LAMC1: variants seen among roughly 807,000 people sequenced by gnomAD.
The protein encoded by LAMC1 is laminin subunit gamma 1.
Under a neutral mutation model 173.6 loss-of-function variants are expected in LAMC1, and 38 were observed. The ratio of observed to expected loss-of-function variants is 0.22; its 90% CI spans 0.17 to 0.29. The LOEUF (loss-of-function observed/expected upper bound fraction) is 0.29. LAMC1 is among the 10% of genes least tolerant of loss of function. The probability of loss-of-function intolerance (pLI) is 1.00; values close to 1 mark genes in which losing one functional copy is unlikely to be tolerated. For synonymous variants in LAMC1, 746 were observed against 749.1 expected, an observed-to-expected ratio of 1.00 and a Z score of 0.07; for missense variants, 1,824 against 2,051.8, an observed-to-expected ratio of 0.89 and a Z score of 2.14.
At chr1:183,069,091 A>C (rs769257189) in intron 1 of LAMC1, among the ~76,000 whole-genome samples, 1 of 152,210 alleles carries the variant, frequency 6.6e-6, no homozygotes, top group Non-Finnish European at 1.5e-5. Flanking sequence ...ATGTAACTTC[A>C]TATTACAGAC....
chr1:183,049,489 A>G, intron 1 of LAMC1, among the ~76,000 whole-genome samples: 1 of 147,622 alleles, frequency 6.8e-6, no homozygotes. Context: ...TTTGAGACGG[A>G]GTTTAGCTCT....
At position 183,117,734 on chromosome 1, in the gene LAMC1, C is replaced by G; in HGVS notation, c.1877+11C>G. Reference sequence around the variant, plus strand: ...GAAGTATGTCTTCAGGTAAGATAGCCTTCTTTGTAAAGTGAGACTTGACGA... The same window carrying G: ...GAAGTATGTCTTCAGGTAAGATAGCGTTCTTTGTAAAGTGAGACTTGACGA... On this transcript the variant is annotated intron_variant, in intron 10 of 27. Transcript: ENST00000258341. The G allele has an allele frequency of 1.9e-6, 3 of 1,605,380 alleles. No individual in the cohort carries two copies. The highest frequency in any genetic ancestry group is 1.7e-6 in the Non-Finnish European group (2 of 1,173,520).
At chr1:183,126,306 C>G (rs539760697) in intron 16 of LAMC1, 44 bp downstream of exon 16, 2 of 1,595,928 alleles carry the variant, frequency 1.3e-6, no homozygotes, top group African/African-American at 2.7e-5. Flanking sequence ...TCCACTAATT[C>G]CAGTTAGTGT....
At chr1:183,108,628 T>C (rs1023099943) in intron 3 of LAMC1, among the ~76,000 whole-genome samples, 8 of 152,230 alleles carry the variant, frequency 5.3e-5, no homozygotes, top group Non-Finnish European at 7.3e-5. Flanking sequence ...AAACTAAGCA[T>C]GTAGGTTTTC....
chr1:183,122,213 A>G lies in LAMC1; in HGVS notation c.2363A>G (p.Lys788Arg). The G allele has an allele frequency of 6.2e-7, 1 of 1,614,158 alleles. No homozygotes were observed. The highest frequency in any genetic ancestry group is 8.5e-7 in the Non-Finnish European group (1 of 1,180,012). Residue 788 changes from lysine to arginine, a missense_variant, in exon 13 of 28, where the codon AAG (lysine) becomes AGG (arginine). Coordinates refer to ENST00000258341, the MANE Select transcript of LAMC1 (RefSeq NM_002293.4). ...GSSCAVVPKT[K>R]EVVCTNCPTG... The stretch of plus-strand genomic sequence containing the variant: ...AGTTGTGCTGTTGTTCCCAAGACAA[A>G]GGAGGTGGTGTGCACCAACTGTCCT...
rs141160090 is a variant in LAMC1, at chr1:183,092,935, C to T, written c.419-10393C>T. 2.3e-3 allele frequency among the ~76,000 whole-genome samples: 344 copies of T among 152,254 alleles called. 3 individuals are homozygous for T. Among genetic ancestry groups the T allele is most frequent in the African/African-American group, 8.0e-3 (334 of 41,574 alleles). On this transcript the variant is annotated intron_variant, in intron 1 of 27. Transcript: ENST00000258341. ...TTCCCATCTTAAAAAGCAATTTGTTCTTGAACACCCCTTTCCCCCTTCAGC... is the reference window on the plus strand; with the variant it reads ...TTCCCATCTTAAAAAGCAATTTGTTTTTGAACACCCCTTTCCCCCTTCAGC...
At chr1:183,047,550 T>C (rs528515933) in intron 1 of LAMC1, among the ~76,000 whole-genome samples, 1 of 152,344 alleles carries the variant, frequency 6.6e-6, no homozygotes, top group Admixed American at 6.5e-5. Context: ...GTGTTGAATG[T>C]ATGGGACCTT....
chr1:183,068,771 T>C (rs1654938618), intron 1 of LAMC1, among the ~76,000 whole-genome samples: 1 of 152,094 alleles, frequency 6.6e-6, no homozygotes, highest in South Asian at 2.1e-4. Flanking sequence ...TGAAACCCCA[T>C]TGCTACTAAA....
intron 6 of LAMC1, among the ~76,000 whole-genome samples, chr1:183,116,085 G>A (rs1656311845): frequency 6.6e-6 from 1 of 150,444 alleles, no homozygotes; most frequent in Non-Finnish European, 1.5e-5. Context: ...AGCCGAGATC[G>A]CGCCACTGCA....
intron 2 of LAMC1, among the ~76,000 whole-genome samples, chr1:183,107,254 G>A (rs1445032003): frequency 1.3e-5 from 2 of 152,110 alleles, no homozygotes; most frequent in Non-Finnish European, 2.9e-5. Flanking sequence ...TCCTGCCCTC[G>A]TGGTACTTAC....
rs958599859 is a variant in LAMC1 at position 183,053,277 on chromosome 1, A to C, written c.418+29143A>C. On this transcript the variant is annotated intron_variant, in intron 1 of 27. Coordinates refer to ENST00000258341, the MANE Select transcript of LAMC1 (RefSeq NM_002293.4). ...AGCCATTATAAGAAATATATTTTGTATTGCCACCTAGTCAGTACATATAGC... is the reference window on the plus strand; with the variant it reads ...AGCCATTATAAGAAATATATTTTGTCTTGCCACCTAGTCAGTACATATAGC... Among the ~76,000 whole-genome samples the C allele has an allele frequency of 3.3e-5, 5 of 152,310 alleles. No individual in the cohort carries two copies. In the East Asian group the frequency reaches 5.8e-4, roughly 18 times the overall value.
chr1:183,111,259 G>T (rs977105590), intron 4 of LAMC1, among the ~76,000 whole-genome samples: 5 of 151,916 alleles, frequency 3.3e-5, no homozygotes, highest in African/African-American at 1.2e-4. Flanking sequence ...GCTAACTTTT[G>T]TGTTTTTAGT....
chr1:183,045,619 A>G (rs996200652), intron 1 of LAMC1, among the ~76,000 whole-genome samples: 1 of 152,046 alleles, frequency 6.6e-6, no homozygotes, highest in Non-Finnish European at 1.5e-5. Context: ...TGTTTTACGA[A>G]TAGAACGCTT....
chr1:183,129,425 C>T (rs1229616077), intron 18 of LAMC1, among the ~76,000 whole-genome samples: 1 of 152,108 alleles, frequency 6.6e-6, no homozygotes, highest in South Asian at 2.1e-4. Context: ...GAGTAACCTT[C>T]CAAGCAGGAC....
In LAMC1 at chr1:183,135,729, T is replaced by A. The variant is rs956901472; in HGVS notation, c.4114+573T>A. On this transcript the variant is annotated intron_variant, in intron 24 of 27. Coordinates refer to ENST00000258341, the MANE Select transcript of LAMC1 (RefSeq NM_002293.4). The stretch of plus-strand genomic sequence containing the variant: ...AGACCCCATCTCTATAAAAAAAAAT[T>A]TTTTTTTTAATTAGCCGGGCATGCT... Among the ~76,000 whole-genome samples the A allele has an allele frequency of 1.1e-4, 16 of 140,304 alleles. No homozygotes were observed. In the South Asian group the frequency reaches 1.3e-3, roughly 11 times the overall value. 92.0% of individuals were successfully genotyped at this position (140,304 alleles called of 152,430 possible).
In LAMC1 at chr1:183,067,624, G is replaced by A. The variant is rs80030075; in HGVS notation, c.419-35704G>A. ...CTGCCTCAGCCTCCTGAGTAGCTGG[G>A]ACTACAAGCGCACGCCACCACATCC... On this transcript the variant is annotated intron_variant, in intron 1 of 27. Coordinates refer to ENST00000258341, the MANE Select transcript of LAMC1 (RefSeq NM_002293.4). Among the ~76,000 whole-genome samples, 252 of 152,048 alleles carry A rather than the reference G, an allele frequency of 1.7e-3. 5 individuals are homozygous for A. In the East Asian group the frequency reaches 0.043, roughly 26 times the overall value.
rs1254571570 is a variant in LAMC1 at position 183,105,251 on chromosome 1, G to GA, written c.723+1622dup. 8.6e-3 allele frequency among the ~76,000 whole-genome samples: 1,117 copies of GA among 129,184 alleles called. 7 individuals carry two copies. Among genetic ancestry groups the GA allele is most frequent in the South Asian group, 0.028 (105 of 3,778 alleles). 84.7% of individuals were successfully genotyped at this position (129,184 alleles called of 152,430 possible). A position where few individuals can be genotyped will look rare whatever the true frequency, so the allele number is the denominator to read the frequency against. ...AAAAAAAAAAAAAAAAAAAAAGAAAGAAAGAAAAGAAAAGAAAAAGCAGAA... is the reference window on the plus strand; with the variant it reads ...AAAAAAAAAAAAAAAAAAAAAGAAAGAAAAGAAAAGAAAAGAAAAAGCAGAA... On this transcript the variant is annotated intron_variant, in intron 2 of 27. Transcript: ENST00000258341.
intron 1 of LAMC1, among the ~76,000 whole-genome samples, chr1:183,029,274 T>C (rs1653783793): frequency 6.6e-6 from 1 of 152,214 alleles, no homozygotes; most frequent in Non-Finnish European, 1.5e-5. Flanking sequence ...CTCTCCGTCC[T>C]CTTTGTCTCT....
chr1:183,073,710 C>A (rs1459369419), intron 1 of LAMC1, among the ~76,000 whole-genome samples: 1 of 152,156 alleles, frequency 6.6e-6, no homozygotes, highest in Non-Finnish European at 1.5e-5. Context: ...ATGTGTATGT[C>A]TGTTTTAAAA....
Sources: gnomAD v4.1 joint callset for allele counts (sites outside exome capture counted in the v4.1 genomes callset) on GRCh38, gnomAD v4.1.1 for gene constraint, MANE v1.5 for transcripts, NCBI Gene and HGNC (gene_info 2026-07-23, HGNC 2026-07-21) for gene names.